The following ARHGAP15 variants were observed in gnomAD, a reference collection of about 807,000 sequenced individuals.
ARHGAP15 encodes Rho GTPase activating protein 15.
In ARHGAP15, 51 loss-of-function variants were observed where a neutral mutation model predicts 63.7. The ratio of observed to expected loss-of-function variants is 0.80; its 90% confidence interval spans 0.64 to 1.01. ARHGAP15 has a LOEUF of 1.01. ARHGAP15 is among the 50% of genes least tolerant of loss of function. ARHGAP15 has a pLI of 0.00. For missense variants in ARHGAP15, 560 were observed against 564.6 expected (o/e 0.99, Z 0.08); for synonymous variants, 191 against 193.8 (o/e 0.99, Z 0.12).
chr2:143,515,349 C>A (rs1340251415), intron 9 of ARHGAP15, among the ~76,000 whole-genome samples: 1 of 152,120 alleles, frequency 6.6e-6, no homozygotes, highest in Non-Finnish European at 1.5e-5. Flanking sequence ...AAAATGACTT[C>A]TTTCATATGA....
At chr2:143,168,290 G>C (rs756851741) in intron 2 of ARHGAP15, among the ~76,000 whole-genome samples, 10 of 152,050 alleles carry the variant, frequency 6.6e-5, no homozygotes, top group Non-Finnish European at 1.5e-4. Flanking sequence ...CAATCCTCCT[G>C]TTTCAGCCTC....
intron 12 of ARHGAP15, among the ~76,000 whole-genome samples, chr2:143,677,979 G>A (rs1268260465): frequency 2.0e-5 from 3 of 152,164 alleles, no homozygotes; most frequent in African/African-American, 4.8e-5. Flanking sequence ...AGGCCAAGGC[G>A]GGCAGATCAC....
At chr2:143,663,233 A>G (rs1353404480) in intron 12 of ARHGAP15, among the ~76,000 whole-genome samples, 9 of 145,820 alleles carry the variant, frequency 6.2e-5, no homozygotes, top group African/African-American at 2.3e-4. Flanking sequence ...GAAACCCTAC[A>G]AGCCAGAAGA....
In ARHGAP15 at chr2:143,228,627, G is replaced by C; in HGVS notation, c.343G>C (p.Glu115Gln). 1 of 1,608,816 alleles carries C rather than the reference G, an allele frequency of 6.2e-7. No homozygotes were observed. The highest frequency in any genetic ancestry group is 8.5e-7 in the Non-Finnish European group (1 of 1,177,650). ...GATTGTTCTTTCTAGTCGAAGAATT[G>C]AATTTTACAAAGAATCCAAGCAACA... is the stretch of plus-strand genomic sequence containing the variant. ...SWIVLSSRRIEFYKESKQQAL... is the reference protein window; with the variant it reads ...SWIVLSSRRIQFYKESKQQAL... Residue 115 changes from glutamate to glutamine, a missense_variant, in exon 5 of 14, where the codon GAA becomes CAA. Transcript: ENST00000295095.
At chr2:143,407,314 T>C (rs1044679588) in intron 6 of ARHGAP15, among the ~76,000 whole-genome samples, 2 of 151,914 alleles carry the variant, frequency 1.3e-5, no homozygotes, top group African/African-American at 4.8e-5. Flanking sequence ...CATTCATATT[T>C]TTTAAGATGA....
chr2:143,618,934 C>A (rs1698548739), intron 11 of ARHGAP15, among the ~76,000 whole-genome samples: 1 of 151,940 alleles, frequency 6.6e-6, no homozygotes, highest in Non-Finnish European at 1.5e-5. Flanking sequence ...TCCCAATTCT[C>A]CTGCCTCAGC....
At chr2:143,387,896 T>C (rs551642008) in intron 6 of ARHGAP15, among the ~76,000 whole-genome samples, 2 of 146,070 alleles carry the variant, frequency 1.4e-5, no homozygotes, top group East Asian at 2.0e-4. Context: ...CACATACACA[T>C]ACACGCATGC....
intron 12 of ARHGAP15, among the ~76,000 whole-genome samples, chr2:143,663,727 C>T (rs1163552250): frequency 6.6e-6 from 1 of 150,788 alleles, no homozygotes; most frequent in Non-Finnish European, 1.5e-5. Flanking sequence ...GAAGATCTAC[C>T]AAGCAAATGG....
intron 12 of ARHGAP15, among the ~76,000 whole-genome samples, chr2:143,632,310 T>A (rs1478649184): frequency 6.6e-6 from 1 of 152,038 alleles, no homozygotes; most frequent in Non-Finnish European, 1.5e-5. Context: ...TGACTAATAG[T>A]AATATATAAA....
At chr2:143,237,613 A>G (rs1194494373) in intron 5 of ARHGAP15, 1 of 152,106 alleles carries the variant, frequency 6.6e-6, no homozygotes, top group Non-Finnish European at 1.5e-5. Context: ...ACCCTACTTA[A>G]ACAAATGCAT....
At chr2:143,513,933 G>A (rs1393677282) in intron 9 of ARHGAP15, among the ~76,000 whole-genome samples, 4 of 152,152 alleles carry the variant, frequency 2.6e-5, no homozygotes, top group African/African-American at 9.7e-5. Context: ...ATATCTCTGG[G>A]CCTTAGTTCC....
chr2:143,208,101 AT>A (rs2105126970), intron 3 of ARHGAP15, among the ~76,000 whole-genome samples: 1 of 152,266 alleles, frequency 6.6e-6, no homozygotes, highest in East Asian at 1.9e-4. Flanking sequence ...ACTTCTGAGA[AT>A]TAATGACATT....
chr2:143,735,185 T>C (rs1168653306), intron 13 of ARHGAP15, among the ~76,000 whole-genome samples: 2 of 152,222 alleles, frequency 1.3e-5, no homozygotes, highest in Non-Finnish European at 1.5e-5. Context: ...TCTGGATCAA[T>C]CTATTTGATA....
chr2:143,496,629 C>T (rs550221044), intron 9 of ARHGAP15, among the ~76,000 whole-genome samples: 1 of 152,256 alleles, frequency 6.6e-6, no homozygotes, highest in Non-Finnish European at 1.5e-5. Flanking sequence ...TGTTAGCAAA[C>T]AACAATGATA....
intron 11 of ARHGAP15, among the ~76,000 whole-genome samples, chr2:143,615,049 G>A (rs1409004183): frequency 6.6e-6 from 1 of 152,164 alleles, no homozygotes; most frequent in Non-Finnish European, 1.5e-5. Flanking sequence ...CTTATTTTGT[G>A]TACCTTTGTA....
intron 8 of ARHGAP15, among the ~76,000 whole-genome samples, chr2:143,470,628 T>C (rs1444628491): frequency 2.1e-5 from 3 of 141,762 alleles, no homozygotes; most frequent in African/African-American, 7.5e-5. Flanking sequence ...TATATATACA[T>C]ATGTGTGTAT....
chr2:143,357,355 CTTTT>C (rs10682016), intron 6 of ARHGAP15, among the ~76,000 whole-genome samples: 56 of 147,498 alleles, frequency 3.8e-4, no homozygotes, highest in African/African-American at 1.4e-3. Context: ...TTATGGAAAT[CTTTT>C]TTTTTTTAGG....
chr2:143,581,934 C>T (rs1696923601), intron 11 of ARHGAP15, among the ~76,000 whole-genome samples: 1 of 152,130 alleles, frequency 6.6e-6, no homozygotes, highest in African/African-American at 2.4e-5. Context: ...GTTTCTTTTC[C>T]TGAATGACAT....
intron 6 of ARHGAP15, among the ~76,000 whole-genome samples, chr2:143,254,296 A>C (rs1391985394): frequency 6.6e-6 from 1 of 152,030 alleles, no homozygotes; most frequent in Non-Finnish European, 1.5e-5. Flanking sequence ...AGCCTCCCTC[A>C]CACAAGCGGG....
Sources: gnomAD v4.1 joint callset for allele counts (sites outside exome capture counted in the v4.1 genomes callset) on GRCh38, gnomAD v4.1.1 for gene constraint, MANE v1.5 for transcripts, NCBI Gene and HGNC (gene_info 2026-07-23, HGNC 2026-07-21) for gene names.